Variants in CTNNA2 observed in about 807,000 individuals in gnomAD.
CTNNA2 encodes the protein catenin alpha 2.
In CTNNA2, 42 loss-of-function variants were observed where a neutral mutation model predicts 101.0. That is an observed-to-expected ratio of 0.42 (90% CI 0.32 to 0.54). The LOEUF is 0.54. CTNNA2 is among the 20% of genes least tolerant of loss of function. The probability of loss-of-function intolerance (pLI) is 0.14; values close to 1 mark genes in which losing one functional copy is unlikely to be tolerated. For missense variants in CTNNA2, 871 were observed against 1,223.1 expected (o/e 0.71, Z 4.29); for synonymous variants, 450 against 456.4 (o/e 0.99, Z 0.18).
rs1034001857 is a variant in CTNNA2 at position 80,557,104 on chromosome 2, G to A, written c.1741+1211G>A. On this transcript the variant is annotated intron_variant, in intron 12 of 18. Transcript: ENST00000402739. ...ATTGGTCATTCTCTTTAAAATATAA[G>A]CAGAAACAGAATAGTGTGGTATCAT... is the stretch of plus-strand genomic sequence containing the variant. Among the ~76,000 whole-genome samples, 6 of 152,154 alleles carry A rather than the reference G, an allele frequency of 3.9e-5. No individual in the cohort carries two copies. In the East Asian group the frequency reaches 1.2e-3, roughly 29 times the overall value.
intron 8 of CTNNA2, among the ~76,000 whole-genome samples, chr2:80,398,830 G>C (rs564923714): frequency 1.4e-4 from 21 of 151,470 alleles, no homozygotes; most frequent in African/African-American, 4.8e-4. Context: ...TCACACCCCT[G>C]CACTGCAGCC....
At chr2:79,472,557 C>T (rs1157836211) in intron 4 of CTNNA2, among the ~76,000 whole-genome samples, 3 of 152,170 alleles carry the variant, frequency 2.0e-5, no homozygotes, top group African/African-American at 7.2e-5. Flanking sequence ...AGAAATCTAA[C>T]AGCTTTTCTT....
At chr2:79,894,572 T>C (rs756868209) in intron 6 of CTNNA2, among the ~76,000 whole-genome samples, 1 of 152,212 alleles carries the variant, frequency 6.6e-6, no homozygotes, top group Non-Finnish European at 1.5e-5. Context: ...TTCAGGTACA[T>C]AGTCACTGTT....
At position 80,589,562 on chromosome 2, in the gene CTNNA2, G is replaced by A. The variant is rs1031032997; in HGVS notation, c.2189+77G>A. On this transcript the variant is annotated intron_variant, in intron 15 of 18. Transcript: ENST00000402739. ...TAGCAGTGTGTATTAGCATGTGAAA[G>A]CCTGCTGAAAAATTAAAATATACCA... 45 of 1,395,358 alleles carry A rather than the reference G, an allele frequency of 3.2e-5. No homozygotes were observed. The East Asian group carries it at 1.0e-3, about 31-fold the overall frequency. 86.4% of individuals were successfully genotyped at this position (1,395,358 alleles called of 1,614,324 possible).
At chr2:80,306,216 G>C (rs1676930584) in intron 7 of CTNNA2, among the ~76,000 whole-genome samples, 1 of 152,138 alleles carries the variant, frequency 6.6e-6, no homozygotes, top group Non-Finnish European at 1.5e-5. Flanking sequence ...ACACAAATCT[G>C]AAATGTCCTA....
intron 2 of CTNNA2, among the ~76,000 whole-genome samples, chr2:79,289,993 C>T (rs1675751893): frequency 6.6e-6 from 1 of 152,212 alleles, no homozygotes; most frequent in African/African-American, 2.4e-5. Flanking sequence ...ATACCTATTT[C>T]AGAGGTTTAT....
chr2:80,528,524 A>G (rs544279011), intron 9 of CTNNA2, among the ~76,000 whole-genome samples: 1 of 152,100 alleles, frequency 6.6e-6, no homozygotes, highest in East Asian at 1.9e-4. Context: ...ACAAGCCCCC[A>G]GGTATTGCCC....
At chr2:79,753,909 C>T (rs1288849753) in intron 3 of CTNNA2, among the ~76,000 whole-genome samples, 1 of 146,958 alleles carries the variant, frequency 6.8e-6, no homozygotes, top group Non-Finnish European at 1.5e-5. Flanking sequence ...TGCTCTGTCA[C>T]CCAGGTTGGA....
chr2:79,834,347 A>G lies in CTNNA2; in HGVS notation c.299-23666A>G, dbSNP rs940269304. 2.0e-4 allele frequency among the ~76,000 whole-genome samples: 30 copies of G among 152,214 alleles called. No individual in the cohort carries two copies. In the East Asian group the frequency reaches 3.3e-3, roughly 17 times the overall value. On this transcript the variant is annotated intron_variant, in intron 3 of 18. Transcript: ENST00000402739. Reference sequence around the variant, plus strand: ...ATATTGTATTGTATTATCCAGTAGTAGATATTCTCTGAAGTAGTTGTAACC... The same window carrying G: ...ATATTGTATTGTATTATCCAGTAGTGGATATTCTCTGAAGTAGTTGTAACC...
At chr2:79,405,396 G>T (rs1458614284) in intron 4 of CTNNA2, among the ~76,000 whole-genome samples, 1 of 152,020 alleles carries the variant, frequency 6.6e-6, no homozygotes, top group Non-Finnish European at 1.5e-5. Flanking sequence ...TGTGATCTAG[G>T]CTCACTGCAA....
intron 3 of CTNNA2, among the ~76,000 whole-genome samples, chr2:79,344,859 A>C (rs1558637431): frequency 6.9e-6 from 1 of 144,912 alleles, no homozygotes; most frequent in African/African-American, 2.5e-5. Context: ...TATATATATA[A>C]TATATTATAT....
At chr2:79,571,463 C>G (rs539009127) in intron 1 of CTNNA2, among the ~76,000 whole-genome samples, 1 of 152,246 alleles carries the variant, frequency 6.6e-6, no homozygotes, top group South Asian at 2.1e-4. Flanking sequence ...TCAAATCTTG[C>G]TTCCTGCTAT....
intron 3 of CTNNA2, among the ~76,000 whole-genome samples, chr2:79,787,873 T>G (rs1674970898): frequency 6.6e-6 from 1 of 151,994 alleles, no homozygotes; most frequent in Admixed American, 6.6e-5. Context: ...GACCTATAGT[T>G]TAACCACACA....
intron 7 of CTNNA2, among the ~76,000 whole-genome samples, chr2:79,974,765 A>C (rs1286405401): frequency 6.6e-6 from 1 of 152,192 alleles, no homozygotes; most frequent in Non-Finnish European, 1.5e-5. Context: ...TACAAATTAT[A>C]AACAAATAAA....
At chr2:79,609,526 T>C (rs1678127893) in intron 1 of CTNNA2, among the ~76,000 whole-genome samples, 1 of 152,120 alleles carries the variant, frequency 6.6e-6, no homozygotes, top group Non-Finnish European at 1.5e-5. Context: ...GTTGGAGGAC[T>C]AACAGTATGT....
intron 7 of CTNNA2, among the ~76,000 whole-genome samples, chr2:80,259,406 G>C (rs1672422486): frequency 1.3e-5 from 2 of 152,142 alleles, no homozygotes; most frequent in Non-Finnish European, 2.9e-5. Flanking sequence ...AATTCCACCT[G>C]GTTGCTTGTC....
At chr2:79,212,393 G>A (rs567453141) in intron 2 of CTNNA2, among the ~76,000 whole-genome samples, 2 of 152,288 alleles carry the variant, frequency 1.3e-5, no homozygotes, top group African/African-American at 2.4e-5. Flanking sequence ...GCTCAAATGG[G>A]CTGTACCCTG....
At chr2:80,326,366 A>G (rs180679453) in intron 7 of CTNNA2, among the ~76,000 whole-genome samples, 239 of 152,304 alleles carry the variant, frequency 1.6e-3, no homozygotes, top group Non-Finnish European at 2.9e-3. Flanking sequence ...TGCTGTTGCA[A>G]ATAGTGTCAA....
chr2:79,365,748 T>C (rs1426700345), intron 3 of CTNNA2, among the ~76,000 whole-genome samples: 1 of 152,102 alleles, frequency 6.6e-6, no homozygotes, highest in Non-Finnish European at 1.5e-5. Context: ...AAAATATGAA[T>C]GTGACTCCTT....
Sources: allele counts gnomAD v4.1 joint callset (sites outside exome capture counted in the v4.1 genomes callset), GRCh38; gene constraint gnomAD v4.1.1; transcripts MANE v1.5; gene names NCBI Gene and HGNC (gene_info 2026-07-23, HGNC 2026-07-21).